Variants in CREM observed in about 807,000 individuals in gnomAD.
The protein encoded by CREM is cAMP-responsive element modulator.
A neutral mutation model predicts 37.3 loss-of-function variants in CREM; 13 were observed. That is an observed-to-expected ratio of 0.35 (90% CI 0.23 to 0.55). The LOEUF is 0.55. Ranked by LOEUF, CREM falls within the 20% of genes least tolerant of loss-of-function variation. CREM has a pLI of 0.88. For synonymous variants in CREM, 124 were observed against 120.2 expected (o/e 1.03, Z -0.21); for missense variants, 296 against 362.3 (o/e 0.82, Z 1.49).
intron 3 of CREM, among the ~76,000 whole-genome samples, chr10:35,172,952 C>T (rs2093892305): frequency 6.6e-6 from 1 of 152,140 alleles, no homozygotes; most frequent in East Asian, 1.9e-4. Context: ...TAAGCCAAAA[C>T]TTTGAATTTT....
chr10:35,158,686 C>T (rs1370157917), intron 3 of CREM: 1 of 153,190 alleles, frequency 6.5e-6, no homozygotes, highest in African/African-American at 2.4e-5. Context: ...TTTAGATGCT[C>T]TCATGGAATA....
At chr10:35,172,913 A>G (rs2093890750) in intron 3 of CREM, among the ~76,000 whole-genome samples, 1 of 152,234 alleles carries the variant, frequency 6.6e-6, no homozygotes, top group Non-Finnish European at 1.5e-5. Context: ...CAAGGGAAAC[A>G]ACTCATGGTG....
chr10:35,188,112 A>G, intron 5 of CREM, 88 bp from the exon 6 acceptor site: 3 of 1,278,954 alleles, frequency 2.3e-6, no homozygotes, highest in Non-Finnish European at 3.2e-6. Flanking sequence ...CAATGGTAAT[A>G]AATAGACCCA....
chr10:35,206,798 T>G (rs1448620926), intron 6 of CREM, 97 bp from the exon 7 acceptor site: 31 of 1,111,062 alleles, frequency 2.8e-5, no homozygotes, highest in African/African-American at 6.2e-5. Context: ...TCACCTCTTA[T>G]GAGATGTCAA....
At chr10:35,195,937 T>G in intron 6 of CREM, 1 of 870,124 alleles carries the variant, frequency 1.1e-6, no homozygotes, top group Non-Finnish European at 1.8e-6. Context: ...GTTAACTAGC[T>G]CACCACTGCC....
chr10:35,199,402 T>C (rs997298089), intron 6 of CREM, among the ~76,000 whole-genome samples: 3 of 152,246 alleles, frequency 2.0e-5, no homozygotes, highest in African/African-American at 4.8e-5. Flanking sequence ...ATTAGGCAAA[T>C]ATATTTATTC....
chr10:35,167,558 T>G, intron 3 of CREM: 1 of 640,214 alleles, frequency 1.6e-6, no homozygotes. Flanking sequence ...TCAGAGCTAG[T>G]CCACTAGGTG....
chr10:35,179,063 C>G, intron 4 of CREM, 71 bp from the exon 5 acceptor site: 2 of 1,533,424 alleles, frequency 1.3e-6, no homozygotes, highest in Non-Finnish European at 1.8e-6. Flanking sequence ...ATCAATTCTT[C>G]CTTTATAGCT....
intron 5 of CREM, 81 bp downstream of exon 5, chr10:35,179,357 A>G (rs2094250735): frequency 6.6e-7 from 1 of 1,517,196 alleles, no homozygotes; most frequent in African/African-American, 1.4e-5. Context: ...AGGTTTTGGC[A>G]TTAAATTGTT....
In CREM at chr10:35,207,071, A is replaced by C. The variant is rs750713367; in HGVS notation, c.755+20A>C. ...AAACAGGTGAGGTGTTGCACAGGGAATCGGTAACTTCTAGGACACTTTTTA... is the reference window on the plus strand; with the variant it reads ...AAACAGGTGAGGTGTTGCACAGGGACTCGGTAACTTCTAGGACACTTTTTA... On this transcript the variant is annotated intron_variant, in intron 7 of 7. Transcript: ENST00000685392. 1 of 1,606,360 alleles carries C rather than the reference A, an allele frequency of 6.2e-7. No individual in the cohort carries two copies. Among genetic ancestry groups the C allele is most frequent in the South Asian group, 1.1e-5 (1 of 90,786 alleles).
intron 6 of CREM, among the ~76,000 whole-genome samples, chr10:35,189,467 CTA>C (rs1326537578): frequency 6.6e-6 from 1 of 151,960 alleles, no homozygotes; most frequent in Non-Finnish European, 1.5e-5. Flanking sequence ...GGATATAGCA[CTA>C]TTTTTTAAAA....
intron 5 of CREM, among the ~76,000 whole-genome samples, chr10:35,183,434 A>G (rs1164940235): frequency 1.3e-5 from 2 of 152,216 alleles, no homozygotes; most frequent in African/African-American, 4.8e-5. Flanking sequence ...CATTTCTCTA[A>G]GGCAACTGTT....
At chr10:35,185,581 A>G (rs762563182) in intron 5 of CREM, among the ~76,000 whole-genome samples, 2 of 152,188 alleles carry the variant, frequency 1.3e-5, no homozygotes, top group Admixed American at 1.3e-4. Context: ...GTCTTTTGAC[A>G]TTTTCATACT....
intron 6 of CREM, chr10:35,201,587 A>AC: frequency 7.0e-7 from 1 of 1,423,700 alleles, no homozygotes; most frequent in Non-Finnish European, 9.6e-7. Context: ...GTTAATGACC[A>AC]AAATTGAGAG....
chr10:35,201,336 G>T, intron 6 of CREM: 1 of 1,073,590 alleles, frequency 9.3e-7, no homozygotes, highest in Non-Finnish European at 1.4e-6. Flanking sequence ...GAAGAGGAAG[G>T]GAACTAACAT....
At chr10:35,187,131 A>ATATAATATATATTTATATATT (rs1253511267) in intron 5 of CREM, among the ~76,000 whole-genome samples, 4 of 83,740 alleles carry the variant, frequency 4.8e-5, no homozygotes, top group African/African-American at 2.1e-4. Flanking sequence ...TAAATATATT[A>ATATAATATATATTTATATATT]ATATATTAAT....
intron 1 of CREM, among the ~76,000 whole-genome samples, chr10:35,132,091 C>T (rs1041825109): frequency 6.6e-6 from 1 of 151,606 alleles, no homozygotes; most frequent in Non-Finnish European, 1.5e-5. Flanking sequence ...ATCCCAGCTA[C>T]TCAGGAGACT....
intron 3 of CREM, among the ~76,000 whole-genome samples, chr10:35,177,111 G>C (rs537490530): frequency 2.0e-5 from 3 of 152,002 alleles, no homozygotes; most frequent in Admixed American, 1.3e-4. Flanking sequence ...ATGGAGACAC[G>C]TATACATAGT....
In CREM at chr10:35,211,388, A is replaced by G. The variant is rs768270517; in HGVS notation, c.890A>G (p.Lys297Arg). ...GCCCTCAAAGATCTTTATTGCCATAAAGTAGAGTAACTGTCTTTGACTTGG... is the reference window on the plus strand; with the variant it reads ...GCCCTCAAAGATCTTTATTGCCATAGAGTAGAGTAACTGTCTTTGACTTGG... Reference protein sequence around the residue: ...LKALKDLYCHKVE With the variant: ...LKALKDLYCHRVE The change falls in exon 8 of 8, where the codon AAA becomes AGA. Residue 297 changes from lysine (K) to arginine (R), a missense_variant. Lys to Arg is a conservative substitution (Grantham distance 26, BLOSUM62 2). Around this residue, in one of 2 missense-constraint regions of CREM, gnomAD observed 39 missense variants for 82.0 expected, o/e 0.48. Transcript: ENST00000685392. 6.2e-7 allele frequency: 1 copy of G among 1,613,648 alleles called. No individual in the cohort carries two copies. Among genetic ancestry groups the G allele is most frequent in the Non-Finnish European group, 8.5e-7 (1 of 1,179,780 alleles).
Sources: gnomAD v4.1 joint callset for allele counts (sites outside exome capture counted in the v4.1 genomes callset) on GRCh38, gnomAD v4.1.1 for gene constraint, gnomAD v4.1.1 regional missense constraint, MANE v1.5 for transcripts, NCBI Gene and HGNC (gene_info 2026-07-23, HGNC 2026-07-21) for gene names.